The following GKAP1 variants were observed in gnomAD, a reference collection of about 807,000 sequenced individuals.
GKAP1 encodes G kinase anchoring protein 1.
GKAP1 carries 31 observed loss-of-function variants against 56.7 expected under a neutral mutation model. The observed-to-expected ratio is 0.55, with a 90% confidence interval of 0.41 to 0.74. GKAP1 has a LOEUF of 0.74. GKAP1 is among the 30% of genes least tolerant of loss of function. GKAP1 has a pLI of 0.00. For missense variants in GKAP1, 364 were observed against 402.3 expected, an observed-to-expected ratio of 0.90 and a Z score of 0.82; for synonymous variants, 151 against 138.6, an observed-to-expected ratio of 1.09 and a Z score of -0.63.
At chr9:83,788,252 T>C (rs1944097505) in intron 5 of GKAP1, among the ~76,000 whole-genome samples, 2 of 152,146 alleles carry the variant, frequency 1.3e-5, no homozygotes, top group Non-Finnish European at 2.9e-5. Flanking sequence ...CACTCCAGCC[T>C]GGGCAAGAGA....
intron 10 of GKAP1, among the ~76,000 whole-genome samples, chr9:83,744,737 G>T (rs565563318): frequency 1.3e-5 from 2 of 152,186 alleles, no homozygotes; most frequent in South Asian, 4.1e-4. Context: ...CTACTATAAA[G>T]AACTGCCTGA....
At chr9:83,774,357 T>C (rs1231848390) in intron 7 of GKAP1, among the ~76,000 whole-genome samples, 1 of 151,626 alleles carries the variant, frequency 6.6e-6, no homozygotes, top group African/African-American at 2.4e-5. Flanking sequence ...GTCCCAGCAC[T>C]TTGGGAGGTC....
intron 3 of GKAP1, among the ~76,000 whole-genome samples, chr9:83,802,601 G>A (rs1944349215): frequency 6.6e-6 from 1 of 152,064 alleles, no homozygotes; most frequent in African/African-American, 2.4e-5. Context: ...AGCTGAGGCA[G>A]GTGGACTGCT....
At chr9:83,796,250 T>C (rs1314876660) in intron 4 of GKAP1, among the ~76,000 whole-genome samples, 3 of 151,792 alleles carry the variant, frequency 2.0e-5, no homozygotes, top group African/African-American at 7.3e-5. Flanking sequence ...TAATCTCTAA[T>C]ACCTGTGTCT....
intron 4 of GKAP1, among the ~76,000 whole-genome samples, chr9:83,798,689 T>G (rs184173685): frequency 7.9e-4 from 120 of 151,280 alleles, no homozygotes; most frequent in Admixed American, 1.4e-3. Flanking sequence ...AATTTTTCTG[T>G]TTTTTTTGTA....
chr9:83,753,642 A>G (rs574541564), intron 8 of GKAP1, among the ~76,000 whole-genome samples: 2 of 152,352 alleles, frequency 1.3e-5, no homozygotes, highest in African/African-American at 4.8e-5. Context: ...CTCTGTGACA[A>G]GTTGTTGTTA....
intron 10 of GKAP1, among the ~76,000 whole-genome samples, chr9:83,744,207 T>C (rs1943253370): frequency 6.6e-6 from 1 of 152,256 alleles, no homozygotes; most frequent in South Asian, 2.1e-4. Context: ...TTATGTAATA[T>C]TTCAATTACA....
chr9:83,753,391 T>G, intron 8 of GKAP1, 32 bp from the exon 9 acceptor site: 2 of 1,298,904 alleles, frequency 1.5e-6, no homozygotes, highest in Middle Eastern at 3.7e-4. Context: ...TTTAGGACTT[T>G]GATTATTCCG....
rs142189129 is a variant in GKAP1 at position 83,757,395 on chromosome 9, C to T, written c.739-4036G>A. On this transcript the variant is annotated intron_variant, in intron 8 of 12. Transcript: ENST00000376371. ...ACGTATGATAGGTTTTATACAAACA[C>T]ATGCACACATAGAAACAAATTTCAC... Among the ~76,000 whole-genome samples the T allele has an allele frequency of 3.7e-3, 560 of 152,276 alleles. 9 individuals carry two copies. The highest frequency in any genetic ancestry group is 0.013 in the African/African-American group (526 of 41,562).
intron 7 of GKAP1, among the ~76,000 whole-genome samples, chr9:83,774,439 CA>C (rs1179053783): frequency 6.6e-6 from 1 of 151,070 alleles, no homozygotes; most frequent in Non-Finnish European, 1.5e-5. Flanking sequence ...CTGTCTCTAC[CA>C]AAAATACAAA....
At chr9:83,758,609 C>A (rs189391062) in intron 8 of GKAP1, among the ~76,000 whole-genome samples, 1 of 151,686 alleles carries the variant, frequency 6.6e-6, no homozygotes, top group Non-Finnish European at 1.5e-5. Context: ...ATTAGCTGGG[C>A]GTGGTGGTGC....
chr9:83,780,465 TAAAA>T (rs200663185), intron 6 of GKAP1, 61 bp from the exon 7 acceptor site: 48 of 210,892 alleles, frequency 2.3e-4, no homozygotes, highest in South Asian at 5.7e-4. Context: ...TACAAAAATG[TAAAA>T]AAAAAAAAAA....
At chr9:83,784,221 T>C (rs1225963857) in intron 6 of GKAP1, among the ~76,000 whole-genome samples, 1 of 151,402 alleles carries the variant, frequency 6.6e-6, no homozygotes, top group Non-Finnish European at 1.5e-5. Flanking sequence ...GAGCCATGAC[T>C]GCACCACTGC....
At chr9:83,784,600 A>C in intron 6 of GKAP1, 115 bp downstream of exon 6, 1 of 763,090 alleles carries the variant, frequency 1.3e-6, no homozygotes, top group Non-Finnish European at 2.0e-6. Context: ...TACATTCTAC[A>C]TGATACATGA....
intron 2 of GKAP1, among the ~76,000 whole-genome samples, chr9:83,815,363 C>T (rs910828155): frequency 5.3e-5 from 8 of 151,562 alleles, no homozygotes; most frequent in African/African-American, 1.9e-4. Context: ...CCTCCAGCCT[C>T]GGCCTCCCAA....
In GKAP1 at chr9:83,812,644, AATG is replaced by A. The variant is rs201762147; in HGVS notation, c.-44+4349_-44+4351del. On this transcript the variant is annotated intron_variant, in intron 2 of 12. Coordinates refer to ENST00000376371, the MANE Select transcript of GKAP1 (RefSeq NM_025211.4). ...AATGAGCCACCATGCCCGGCTCTAC[AATG>A]ATATTAGTTCTAAAAAAAAAAAAGA... Among the ~76,000 whole-genome samples the A allele has an allele frequency of 6.8e-3, 1,030 of 150,902 alleles. 16 individuals carry two copies. Among genetic ancestry groups the A allele is most frequent in the African/African-American group, 0.024 (981 of 41,086 alleles).
At chr9:83,747,020 T>C (rs1943306367) in intron 10 of GKAP1, among the ~76,000 whole-genome samples, 1 of 152,232 alleles carries the variant, frequency 6.6e-6, no homozygotes, top group South Asian at 2.1e-4. Flanking sequence ...GGAGCTATCT[T>C]TGGAGTTTCA....
At chr9:83,754,984 T>C (rs1943450318) in intron 8 of GKAP1, among the ~76,000 whole-genome samples, 1 of 152,204 alleles carries the variant, frequency 6.6e-6, no homozygotes, top group Admixed American at 6.5e-5. Context: ...GAGAGAAGTA[T>C]ATTTGAGAAA....
chr9:83,812,062 T>C (rs1382867043), intron 2 of GKAP1, among the ~76,000 whole-genome samples: 1 of 151,818 alleles, frequency 6.6e-6, no homozygotes, highest in African/African-American at 2.4e-5. Flanking sequence ...AATTTGTAAA[T>C]ATGTCTATTA....
Sources: gnomAD v4.1 joint callset for allele counts (sites outside exome capture counted in the v4.1 genomes callset) on GRCh38, gnomAD v4.1.1 for gene constraint, MANE v1.5 for transcripts, NCBI Gene and HGNC (gene_info 2026-07-23, HGNC 2026-07-21) for gene names.